Variants in EXT2 observed in about 807,000 individuals in gnomAD.
EXT2 encodes exostosin glycosyltransferase 2.
Under a neutral mutation model 81.6 loss-of-function variants are expected in EXT2, and 53 were observed. That is an observed-to-expected ratio of 0.65 (90% CI 0.52 to 0.82). The LOEUF (loss-of-function observed/expected upper bound fraction) is 0.82. Among genes scored for constraint, EXT2 ranks in the 40% least tolerant of loss-of-function variants. The pLI is 0.00. For missense variants in EXT2, 774 were observed against 910.2 expected, an observed-to-expected ratio of 0.85 and a Z score of 1.93; for synonymous variants, 320 against 340.0, an observed-to-expected ratio of 0.94 and a Z score of 0.65.
At chr11:44,134,612 C>A (rs764734043) in intron 7 of EXT2, among the ~76,000 whole-genome samples, 2 of 152,154 alleles carry the variant, frequency 1.3e-5, no homozygotes, top group Non-Finnish European at 2.9e-5. Flanking sequence ...TTCCCAGTCT[C>A]CCCTGAATCA....
intron 8 of EXT2, among the ~76,000 whole-genome samples, chr11:44,179,319 G>A (rs1955201798): frequency 6.6e-6 from 1 of 152,142 alleles, no homozygotes; most frequent in Non-Finnish European, 1.5e-5. Flanking sequence ...TGGTGGTGCT[G>A]GATGAATGAA....
intron 7 of EXT2, among the ~76,000 whole-genome samples, chr11:44,159,912 G>C (rs1432346234): frequency 2.0e-5 from 3 of 152,144 alleles, no homozygotes; most frequent in African/African-American, 7.2e-5. Flanking sequence ...AGCTGGAGTT[G>C]GTTATTTCCT....
chr11:44,128,175 G>A (rs1464941779), intron 6 of EXT2, among the ~76,000 whole-genome samples: 4 of 151,992 alleles, frequency 2.6e-5, no homozygotes, highest in Non-Finnish European at 5.9e-5. Flanking sequence ...ACATTGATTG[G>A]AAACCCTCTT....
At chr11:44,156,977 G>A (rs1176775899) in intron 7 of EXT2, among the ~76,000 whole-genome samples, 1 of 152,204 alleles carries the variant, frequency 6.6e-6, no homozygotes, top group Non-Finnish European at 1.5e-5. Context: ...GAGTCTTATG[G>A]ACTCACGAAG....
At chr11:44,185,670 T>C (rs1955300895) in intron 8 of EXT2, among the ~76,000 whole-genome samples, 1 of 152,228 alleles carries the variant, frequency 6.6e-6, no homozygotes, top group African/African-American at 2.4e-5. Flanking sequence ...GGTGTTAGGC[T>C]CCTAACAGCT....
chr11:44,195,826 A>G (rs1955449206), intron 8 of EXT2, among the ~76,000 whole-genome samples: 1 of 152,254 alleles, frequency 6.6e-6, no homozygotes, highest in African/African-American at 2.4e-5. Context: ...TTTTTGCATG[A>G]TAACATATGA....
intron 7 of EXT2, among the ~76,000 whole-genome samples, chr11:44,170,810 TCACACA>T (rs58131996): frequency 0.11 from 15,835 of 145,272 alleles, 895 homozygotes; most frequent in African/African-American, 0.16. Context: ...ACGTTCACAT[TCACACA>T]CACACACACA....
chr11:44,204,311 G>A (rs905999646), intron 9 of EXT2, among the ~76,000 whole-genome samples: 5 of 152,146 alleles, frequency 3.3e-5, no homozygotes, highest in Admixed American at 2.0e-4. Context: ...AATGGAATGT[G>A]TGCTCATATA....
intron 7 of EXT2, among the ~76,000 whole-genome samples, chr11:44,137,098 T>A (rs1197742302): frequency 6.6e-6 from 1 of 152,238 alleles, no homozygotes; most frequent in Non-Finnish European, 1.5e-5. Context: ...TAAGGTCTCA[T>A]TTAATTGGAA....
At chr11:44,101,829 T>C (rs1953986656) in intron 1 of EXT2, among the ~76,000 whole-genome samples, 1 of 151,644 alleles carries the variant, frequency 6.6e-6, no homozygotes, top group African/African-American at 2.4e-5. Context: ...GTGCCCAGAA[T>C]GGGCAGCAAG....
chr11:44,135,474 C>A (rs7103975), intron 7 of EXT2, among the ~76,000 whole-genome samples: 39,435 of 150,626 alleles, frequency 0.26, 6,056 homozygotes, highest in Admixed American at 0.43. Flanking sequence ...TCACTGCAAC[C>A]TCTGCCTCCT....
At chr11:44,209,552 G>T (rs532545554) in intron 10 of EXT2, among the ~76,000 whole-genome samples, 1 of 152,256 alleles carries the variant, frequency 6.6e-6, no homozygotes, top group East Asian at 1.9e-4. Context: ...TTATCCCAAA[G>T]CCTAGTATTT....
chr11:44,221,497 G>A (rs544007718), intron 10 of EXT2, among the ~76,000 whole-genome samples: 2 of 152,302 alleles, frequency 1.3e-5, no homozygotes, highest in African/African-American at 4.8e-5. Flanking sequence ...ATATGTTTGA[G>A]GGTTATTGTT....
Position 44,144,106 on chromosome 11 carries a change from C to G in EXT2, c.1173+13968C>G, listed in dbSNP as rs1042709957. On this transcript the variant is annotated intron_variant, in intron 7 of 13. Coordinates refer to ENST00000533608, the MANE Select transcript of EXT2 (RefSeq NM_207122.2). ...CTCTAATCAAACAAACTTACGCTTTCTTTCTCCTGGTTTTAGCATAGCAAA... is the reference window on the plus strand; with the variant it reads ...CTCTAATCAAACAAACTTACGCTTTGTTTCTCCTGGTTTTAGCATAGCAAA... 3.3e-5 allele frequency: 24 copies of G among 716,952 alleles called. No homozygotes were observed. In the African/African-American group the frequency reaches 3.9e-4, roughly 12 times the overall value. 44.4% of individuals were successfully genotyped at this position (716,952 alleles called of 1,614,324 possible). A position where few individuals can be genotyped will look rare whatever the true frequency, so the allele number is the denominator to read the frequency against.
intron 8 of EXT2, among the ~76,000 whole-genome samples, chr11:44,179,542 A>G (rs77889283): frequency 0.011 from 1,738 of 152,332 alleles, 42 homozygotes; most frequent in African/African-American, 0.04. Flanking sequence ...TTGGCAAAGT[A>G]ATCTTTCATG....
At chr11:44,101,268 G>A (rs538579674) in intron 1 of EXT2, among the ~76,000 whole-genome samples, 26 of 152,270 alleles carry the variant, frequency 1.7e-4, no homozygotes, top group East Asian at 9.7e-4. Flanking sequence ...CTTGGTATGC[G>A]GCTGGGCAGG....
At chr11:44,205,262 T>C (rs1955568778) in intron 9 of EXT2, among the ~76,000 whole-genome samples, 1 of 152,222 alleles carries the variant, frequency 6.6e-6, no homozygotes, top group Non-Finnish European at 1.5e-5. Flanking sequence ...CAAAGTTCCC[T>C]TTCTCCCCTT....
intron 8 of EXT2, among the ~76,000 whole-genome samples, chr11:44,186,680 T>C (rs139452583): frequency 5.3e-5 from 8 of 152,324 alleles, no homozygotes; most frequent in Non-Finnish European, 8.8e-5. Context: ...CTGTGAGCCT[T>C]CCAGTAAACT....
intron 8 of EXT2, among the ~76,000 whole-genome samples, chr11:44,188,382 GA>G (rs1287080271): frequency 2.6e-5 from 4 of 152,200 alleles, no homozygotes; most frequent in Non-Finnish European, 5.9e-5. Flanking sequence ...TGTCTTCAGT[GA>G]AAGAGTAAAG....
Sources: gnomAD v4.1 joint callset for allele counts (sites outside exome capture counted in the v4.1 genomes callset) on GRCh38, gnomAD v4.1.1 for gene constraint, MANE v1.5 for transcripts, NCBI Gene and HGNC (gene_info 2026-07-23, HGNC 2026-07-21) for gene names.